The following PLCL1 variants were observed in gnomAD, a reference collection of about 807,000 sequenced individuals.
PLCL1 encodes inactive phospholipase C-like protein 1.
Under a neutral mutation model 84.4 loss-of-function variants are expected in PLCL1, and 41 were observed. That is an observed-to-expected ratio of 0.49 (90% confidence interval 0.38 to 0.63). The LOEUF is 0.63. Among genes scored for constraint, PLCL1 ranks in the 30% least tolerant of loss-of-function variants. The probability of loss-of-function intolerance (pLI) is 0.00; values close to 1 mark genes in which losing one functional copy is unlikely to be tolerated. For missense variants in PLCL1, 1,206 were observed against 1,367.8 expected (o/e 0.88, Z 1.87); for synonymous variants, 490 against 488.3 (o/e 1.00, Z -0.05).
chr2:198,045,998 G>A (rs1691778806), intron 1 of PLCL1, among the ~76,000 whole-genome samples: 1 of 152,120 alleles, frequency 6.6e-6, no homozygotes. Context: ...AATAAAAAGG[G>A]TGACTGGTGG....
intron 1 of PLCL1, among the ~76,000 whole-genome samples, chr2:197,819,508 A>T (rs1019170310): frequency 4.6e-5 from 7 of 152,172 alleles, no homozygotes; most frequent in African/African-American, 1.7e-4. Flanking sequence ...ATATATGTTT[A>T]TACCACAACT....
chr2:198,094,089 T>A (rs780608570), intron 3 of PLCL1, among the ~76,000 whole-genome samples: 4 of 151,922 alleles, frequency 2.6e-5, no homozygotes, highest in Non-Finnish European at 5.9e-5. Context: ...GGAAACGGAG[T>A]CTCACTCTGT....
At chr2:197,936,297 A>C (rs1317154610) in intron 1 of PLCL1, among the ~76,000 whole-genome samples, 1 of 152,120 alleles carries the variant, frequency 6.6e-6, no homozygotes, top group Non-Finnish European at 1.5e-5. Flanking sequence ...GTATTGCTGG[A>C]TTATATGATA....
intron 1 of PLCL1, among the ~76,000 whole-genome samples, chr2:198,006,494 T>C (rs915431105): frequency 1.3e-5 from 2 of 152,220 alleles, no homozygotes; most frequent in African/African-American, 4.8e-5. Context: ...TTAAGAACTC[T>C]GGAGGCGTGT....
chr2:198,051,595 G>A (rs891058072), intron 1 of PLCL1, among the ~76,000 whole-genome samples: 1 of 152,016 alleles, frequency 6.6e-6, no homozygotes, highest in Non-Finnish European at 1.5e-5. Context: ...TAAAAAAACA[G>A]CCCTTCTCTG....
chr2:197,860,405 G>A (rs1329966633), intron 1 of PLCL1, among the ~76,000 whole-genome samples: 1 of 152,076 alleles, frequency 6.6e-6, no homozygotes, highest in Non-Finnish European at 1.5e-5. Flanking sequence ...TAATGGGATT[G>A]GTGGGTCAAA....
rs1448322950 is a variant in PLCL1 at position 198,134,169 on chromosome 2, A to G, written c.3106-12611A>G. Among the ~76,000 whole-genome samples, 4 of 152,154 alleles carry G rather than the reference A, an allele frequency of 2.6e-5. No individual in the cohort carries two copies. In the South Asian group the frequency reaches 8.3e-4, roughly 32 times the overall value. Reference sequence around the variant, plus strand: ...AGTTGGAGGAAAAAGTGTAACTAGTAGTCTGTTGGTGTAGATGGCTTGAGT... The same window carrying G: ...AGTTGGAGGAAAAAGTGTAACTAGTGGTCTGTTGGTGTAGATGGCTTGAGT... On this transcript the variant is annotated intron_variant, in intron 5 of 5. Coordinates refer to ENST00000428675, the MANE Select transcript of PLCL1 (RefSeq NM_006226.4).
intron 1 of PLCL1, among the ~76,000 whole-genome samples, chr2:198,063,044 T>C (rs563820796): frequency 6.6e-6 from 1 of 152,278 alleles, no homozygotes; most frequent in Admixed American, 6.5e-5. Context: ...GGACCACTGA[T>C]GTAGTGGAAA....
At position 197,869,533 on chromosome 2, in the gene PLCL1, A is replaced by G. The variant is rs545037374; in HGVS notation, c.240+64194A>G. ...TGATGTTCGACTCATGCAGTCACATACTTGTTCTTTAAATGGTTGTGGTGA... is the reference window on the plus strand; with the variant it reads ...TGATGTTCGACTCATGCAGTCACATGCTTGTTCTTTAAATGGTTGTGGTGA... On this transcript the variant is annotated intron_variant, in intron 1 of 5. Coordinates refer to ENST00000428675, the MANE Select transcript of PLCL1 (RefSeq NM_006226.4). 4.5e-4 allele frequency among the ~76,000 whole-genome samples: 68 copies of G among 152,280 alleles called. 2 individuals carry two copies. The South Asian group carries it at 9.9e-3, about 22-fold the overall frequency.
intron 1 of PLCL1, among the ~76,000 whole-genome samples, chr2:197,978,908 C>A (rs553439343): frequency 7.2e-5 from 11 of 152,332 alleles, no homozygotes; most frequent in Middle Eastern, 3.4e-3. Context: ...ATGGGGAGAA[C>A]CTGCAACTCC....
intron 1 of PLCL1, among the ~76,000 whole-genome samples, chr2:197,964,857 C>T (rs1012544593): frequency 4.0e-5 from 6 of 151,834 alleles, no homozygotes; most frequent in South Asian, 4.1e-4. Flanking sequence ...TGTTTTTTAT[C>T]TTTTATTCTA....
intron 5 of PLCL1, among the ~76,000 whole-genome samples, chr2:198,125,654 C>T (rs1222034994): frequency 6.6e-6 from 1 of 152,032 alleles, no homozygotes; most frequent in Non-Finnish European, 1.5e-5. Flanking sequence ...TTTATTAAAA[C>T]ATGCAACCTG....
intron 5 of PLCL1, among the ~76,000 whole-genome samples, chr2:198,141,816 A>G (rs1694394373): frequency 6.6e-6 from 1 of 152,164 alleles, no homozygotes; most frequent in Non-Finnish European, 1.5e-5. Flanking sequence ...CAGTCTGCTG[A>G]TGAGTGTGGG....
At chr2:198,035,151 A>G (rs2105853213) in intron 1 of PLCL1, among the ~76,000 whole-genome samples, 1 of 152,308 alleles carries the variant, frequency 6.6e-6, no homozygotes, top group African/African-American at 2.4e-5. Flanking sequence ...ATTAGTGTTA[A>G]TGACGGTCAG....
intron 1 of PLCL1, among the ~76,000 whole-genome samples, chr2:197,965,984 A>C (rs367547553): frequency 6.6e-6 from 1 of 152,064 alleles, no homozygotes; most frequent in Admixed American, 6.5e-5. Flanking sequence ...CTCTTTAGTC[A>C]GCAGATGATG....
At chr2:197,857,502 A>T (rs1362095979) in intron 1 of PLCL1, among the ~76,000 whole-genome samples, 1 of 152,186 alleles carries the variant, frequency 6.6e-6, no homozygotes, top group Non-Finnish European at 1.5e-5. Flanking sequence ...AAAACAAATA[A>T]TCAGCTGATT....
chr2:198,032,413 C>G (rs542884600), intron 1 of PLCL1, among the ~76,000 whole-genome samples: 2 of 152,256 alleles, frequency 1.3e-5, no homozygotes, highest in East Asian at 3.9e-4. Context: ...GAGATTGCCT[C>G]AGAAAGATAA....
intron 1 of PLCL1, among the ~76,000 whole-genome samples, chr2:198,055,468 C>A (rs555695657): frequency 2.7e-5 from 4 of 150,184 alleles, no homozygotes; most frequent in African/African-American, 7.3e-5. Context: ...ATAATTGATT[C>A]ATGTGAATCT....
chr2:198,112,112 C>G (rs749484338), intron 5 of PLCL1, among the ~76,000 whole-genome samples: 6 of 151,814 alleles, frequency 4.0e-5, no homozygotes, highest in Admixed American at 3.3e-4. Flanking sequence ...ATGAATTGAC[C>G]AAGTGGTATA....
Sources: gnomAD v4.1 joint callset for allele counts (sites outside exome capture counted in the v4.1 genomes callset) on GRCh38, gnomAD v4.1.1 for gene constraint, MANE v1.5 for transcripts, NCBI Gene and HGNC (gene_info 2026-07-23, HGNC 2026-07-21) for gene names.